RGS3: variants seen among roughly 807,000 people sequenced by gnomAD.
The protein encoded by RGS3 is regulator of G-protein signalling 3.
In RGS3, 80 loss-of-function variants were observed where a neutral mutation model predicts 132.6. The observed-to-expected ratio is 0.60, with a 90% CI of 0.50 to 0.73. The LOEUF (loss-of-function observed/expected upper bound fraction) is 0.73. RGS3 is among the 30% of genes least tolerant of loss of function. The pLI, the probability that RGS3 is intolerant of heterozygous loss-of-function variation, is 0.00. For synonymous variants in RGS3, 598 were observed against 620.6 expected (o/e 0.96, Z 0.54); for missense variants, 1,382 against 1,530.8 (o/e 0.90, Z 1.62).
chr9:113,576,775 C>T (rs72763832), intron 19 of RGS3, among the ~76,000 whole-genome samples: 13,135 of 152,120 alleles, frequency 0.086, 656 homozygotes, highest in Non-Finnish European at 0.097. Flanking sequence ...GCCACAGCAA[C>T]GTTTTAAGCA....
chr9:113,485,602 C>T (rs373315054), intron 6 of RGS3, 23 bp from the exon 5 acceptor site: 14 of 1,578,970 alleles, frequency 8.9e-6, no homozygotes, highest in East Asian at 2.3e-5. Context: ...ACTAACACTC[C>T]GATGGTCTGA....
intron 1 of RGS3, among the ~76,000 whole-genome samples, chr9:113,452,532 C>A (rs1829267383): frequency 1.3e-5 from 2 of 151,480 alleles, no homozygotes; most frequent in African/African-American, 4.9e-5. Context: ...GTTCATTGAC[C>A]TTCTTGGATT....
intron 22 of RGS3, 27 bp downstream of exon 20, chr9:113,594,558 CCTTTGGGGAACT>C: frequency 6.3e-7 from 1 of 1,580,872 alleles, no homozygotes; most frequent in South Asian, 1.1e-5. Flanking sequence ...ACCCTGGGAC[CCTTTGGGGAACT>C]CACTGGCTCC....
At chr9:113,512,113 G>T (rs1831430647) in intron 14 of RGS3, among the ~76,000 whole-genome samples, 1 of 152,150 alleles carries the variant, frequency 6.6e-6, no homozygotes, top group Non-Finnish European at 1.5e-5. Context: ...CTTCAAAGTG[G>T]AGAAAACTTT....
intron 7 of RGS3, 74 bp downstream of exon 5, chr9:113,485,767 C>A: frequency 1.8e-6 from 2 of 1,099,192 alleles, no homozygotes; most frequent in Non-Finnish European, 2.7e-6. Context: ...CCAGCATACA[C>A]CAGGGGTTCG....
intron 20 of RGS3, among the ~76,000 whole-genome samples, chr9:113,585,016 C>A (rs900830431): frequency 2.6e-5 from 4 of 152,194 alleles, no homozygotes; most frequent in African/African-American, 9.7e-5. Context: ...TGCTCTTAAC[C>A]AACCACCACA....
intron 3 of RGS3, among the ~76,000 whole-genome samples, chr9:113,467,850 TACTACAGATGTGC>T (rs1341885366): frequency 6.6e-6 from 1 of 152,098 alleles, no homozygotes; most frequent in Non-Finnish European, 1.5e-5. Context: ...GAGTAGCTGG[TACTACAGATGTGC>T]ACCACCATGC....
Position 113,565,875 on chromosome 9 carries a change from CTG to C in RGS3, c.2038-17535_2038-17534del, listed in dbSNP as rs34919768. ...ATTTGTGCTCTGTTCTGAGATAGCT[CTG>C]TGTGTGTGTGTGTGTGTGTGTGTGT... On this transcript the variant is annotated intron_variant, in intron 19 of 24. Coordinates refer to ENST00000350696, the Ensembl canonical transcript of RGS3. This position sits in a 1 kb window ranked among gnomAD's most constrained non-coding sequence, Gnocchi z 5.7. 0.019 allele frequency: 2,683 copies of C among 138,960 alleles called. 37 individuals are homozygous for C. Among genetic ancestry groups the C allele is most frequent in the Admixed American group, 0.04 (530 of 13,390 alleles). 8.6% of individuals were successfully genotyped at this position (138,960 alleles called of 1,614,324 possible).
At chr9:113,526,151 T>G (rs1832194627) in intron 17 of RGS3, among the ~76,000 whole-genome samples, 1 of 152,218 alleles carries the variant, frequency 6.6e-6, no homozygotes, top group African/African-American at 2.4e-5. Context: ...TAGTGTGTCT[T>G]TCTGGCCTGC....
intron 14 of RGS3, among the ~76,000 whole-genome samples, chr9:113,510,279 A>G (rs1170394432): frequency 1.3e-5 from 2 of 152,154 alleles, no homozygotes; most frequent in Non-Finnish European, 2.9e-5. Context: ...ATTCCCTTTT[A>G]TGGCTGAGTA....
At chr9:113,452,296 C>T (rs1829262375) in intron 1 of RGS3, among the ~76,000 whole-genome samples, 2 of 152,150 alleles carry the variant, frequency 1.3e-5, no homozygotes, top group Non-Finnish European at 2.9e-5. Flanking sequence ...AACCACTGCA[C>T]TCAGCCTGTT....
intron 15 of RGS3, among the ~76,000 whole-genome samples, chr9:113,516,506 C>T (rs1337043169): frequency 6.6e-6 from 1 of 151,216 alleles, no homozygotes; most frequent in African/African-American, 2.4e-5. Flanking sequence ...TACAGGTGCC[C>T]ACGACCATGC....
At chr9:113,588,665 G>A (rs545923185) in intron 20 of RGS3, among the ~76,000 whole-genome samples, 6 of 152,216 alleles carry the variant, frequency 3.9e-5, no homozygotes, top group African/African-American at 9.6e-5. Flanking sequence ...ACTTTGGCCC[G>A]GCACCTGACA....
chr9:113,563,741 C>T (rs995443955), intron 19 of RGS3, among the ~76,000 whole-genome samples: 2 of 152,268 alleles, frequency 1.3e-5, no homozygotes, highest in African/African-American at 2.4e-5. Flanking sequence ...TATTCTGAGT[C>T]GACCCGATAA....
chr9:113,448,676 A>G (rs1277642120), intron 1 of RGS3, among the ~76,000 whole-genome samples: 1 of 152,218 alleles, frequency 6.6e-6, no homozygotes, highest in Non-Finnish European at 1.5e-5. Context: ...TCTTCACTAT[A>G]TAAATATCCG....
intron 3 of RGS3, among the ~76,000 whole-genome samples, chr9:113,471,285 C>G (rs575722107): frequency 6.6e-6 from 1 of 152,038 alleles, no homozygotes; most frequent in Non-Finnish European, 1.5e-5. Flanking sequence ...TCCTATTCCT[C>G]TAGCCCTGAG....
At chr9:113,491,849 C>T (rs998642420) in intron 7 of RGS3, among the ~76,000 whole-genome samples, 2 of 152,226 alleles carry the variant, frequency 1.3e-5, no homozygotes, top group African/African-American at 4.8e-5. Flanking sequence ...CCACTGCGCC[C>T]AGCCAGGGCA....
At chr9:113,529,141 G>T in intron 17 of RGS3, 80 bp from the exon 16 acceptor site, 1 of 1,100,630 alleles carries the variant, frequency 9.1e-7, no homozygotes, top group South Asian at 1.2e-5. Context: ...TTCTGGGCAA[G>T]ACAGCTGACT....
Position 113,558,812 on chromosome 9 carries a change from G to A in RGS3, c.2037+21894G>A, listed in dbSNP as rs188507523. Among the ~76,000 whole-genome samples the A allele has an allele frequency of 7.2e-5, 11 of 152,340 alleles. No homozygotes were observed. The East Asian group carries it at 2.1e-3, about 29-fold the overall frequency. On this transcript the variant is annotated intron_variant, in intron 19 of 24. Transcript: ENST00000350696. The stretch of plus-strand genomic sequence containing the variant: ...CAGTCCACTCATCTCATGCTTAGAG[G>A]TGGCAATGTCAAGTTGAAGTTCTTT...
Sources: gnomAD v4.1 joint callset for allele counts (sites outside exome capture counted in the v4.1 genomes callset) on GRCh38, gnomAD v4.1.1 for gene constraint, Gnocchi (gnomAD v3.1) non-coding constraint, MANE v1.5 for transcripts, NCBI Gene and HGNC (gene_info 2026-07-23, HGNC 2026-07-21) for gene names.